Variants in GPR158 observed in about 807,000 individuals in gnomAD.
GPR158 encodes G protein-coupled receptor 158, also known as metabotropic glycine receptor.
Under a neutral mutation model 78.2 loss-of-function variants are expected in GPR158, and 30 were observed. The observed-to-expected ratio is 0.38, with a 90% CI of 0.29 to 0.52. The LOEUF is 0.52. Ranked by LOEUF, GPR158 falls within the 20% of genes least tolerant of loss-of-function variation. GPR158 has a pLI of 0.83. For missense variants in GPR158, 1,463 were observed against 1,523.5 expected (o/e 0.96, Z 0.66); for synonymous variants, 581 against 591.1 (o/e 0.98, Z 0.25).
At chr10:25,289,592 C>T (rs1854405043) in intron 2 of GPR158, among the ~76,000 whole-genome samples, 1 of 151,996 alleles carries the variant, frequency 6.6e-6, no homozygotes, top group Non-Finnish European at 1.5e-5. Flanking sequence ...ACCACCACCC[C>T]CGGCTAATTT....
chr10:25,537,178 A>G (rs1255190397), intron 5 of GPR158, among the ~76,000 whole-genome samples: 1 of 152,212 alleles, frequency 6.6e-6, no homozygotes, highest in Non-Finnish European at 1.5e-5. Context: ...GCCCTCCCTT[A>G]CTGTATAGTC....
In GPR158 at chr10:25,176,605, A is replaced by T. The variant is rs932548756; in HGVS notation, c.902+283A>T. Among the ~76,000 whole-genome samples, 1 of 152,156 alleles carries T rather than the reference A, an allele frequency of 6.6e-6. No homozygotes were observed. The highest frequency in any genetic ancestry group is 2.4e-5 in the African/African-American group (1 of 41,446). On this transcript the variant is annotated intron_variant, in intron 1 of 10. Transcript: ENST00000376351. The surrounding 1 kb of genome is among the most constrained non-coding windows in gnomAD (Gnocchi z 6.3). ...ACAGGCAGCCCTTGGCAGGACGGAGACACCCCCGCTGCTCTGTGCTTCCCT... is the reference window on the plus strand; with the variant it reads ...ACAGGCAGCCCTTGGCAGGACGGAGTCACCCCCGCTGCTCTGTGCTTCCCT...
At chr10:25,258,573 T>G (rs1853921364) in intron 2 of GPR158, among the ~76,000 whole-genome samples, 1 of 152,202 alleles carries the variant, frequency 6.6e-6, no homozygotes, top group South Asian at 2.1e-4. Context: ...GCTTTCACAT[T>G]TAAATTATGT....
intron 2 of GPR158, among the ~76,000 whole-genome samples, chr10:25,357,561 G>A (rs1855570840): frequency 6.6e-6 from 1 of 152,122 alleles, no homozygotes; most frequent in African/African-American, 2.4e-5. Context: ...GTACAGCTCA[G>A]GCTGTGGCTT....
chr10:25,312,408 G>A (rs1392058498), intron 2 of GPR158, among the ~76,000 whole-genome samples: 1 of 152,040 alleles, frequency 6.6e-6, no homozygotes, highest in African/African-American at 2.4e-5. Flanking sequence ...GTCAAGCCAT[G>A]GTAGTAGATA....
At chr10:25,291,880 TAA>T (rs1487491427) in intron 2 of GPR158, among the ~76,000 whole-genome samples, 1 of 152,158 alleles carries the variant, frequency 6.6e-6, no homozygotes, top group African/African-American at 2.4e-5. Context: ...AATTTCATTA[TAA>T]ATTCCATTAT....
At chr10:25,241,176 T>C (rs1366163669) in intron 2 of GPR158, among the ~76,000 whole-genome samples, 7 of 96,434 alleles carry the variant, frequency 7.3e-5, no homozygotes, top group South Asian at 3.2e-4. Flanking sequence ...TTTCTTTCTT[T>C]CTTTCTTTCT....
intron 2 of GPR158, among the ~76,000 whole-genome samples, chr10:25,241,294 CTTTTCTTTTCTT>C (rs1408898730): frequency 1.2e-5 from 1 of 80,262 alleles, no homozygotes; most frequent in Non-Finnish European, 2.6e-5. Context: ...CTTTTCTTTT[CTTTTCTTTTCTT>C]TTCTTTTCTC....
chr10:25,570,610 T>C (rs1259355659), intron 6 of GPR158, among the ~76,000 whole-genome samples: 2 of 152,216 alleles, frequency 1.3e-5, no homozygotes, highest in African/African-American at 4.8e-5. Flanking sequence ...AAGAGAGGTT[T>C]CATAGAAATA....
chr10:25,183,980 G>A (rs1158999228), intron 1 of GPR158, among the ~76,000 whole-genome samples: 1 of 152,052 alleles, frequency 6.6e-6, no homozygotes, highest in Non-Finnish European at 1.5e-5. Flanking sequence ...TATTCAGTCG[G>A]CATTTCTTTT....
Position 25,596,809 on chromosome 10 carries a change from T to G in GPR158, c.2145+20T>G. 6.2e-7 allele frequency: 1 copy of G among 1,604,454 alleles called. No individual in the cohort carries two copies. Among genetic ancestry groups the G allele is most frequent in the Non-Finnish European group, 8.5e-7 (1 of 1,173,222 alleles). On this transcript the variant is annotated intron_variant, in intron 10 of 10. Transcript: ENST00000376351. ...ATTCGGGTAATGCCAGTACTCTATC[T>G]TTCTTCCTATTTCAGATTAGCCTTA... is the stretch of plus-strand genomic sequence containing the variant.
chr10:25,476,918 C>T (rs564917370), intron 5 of GPR158, among the ~76,000 whole-genome samples: 22 of 152,050 alleles, frequency 1.4e-4, no homozygotes, highest in Admixed American at 3.9e-4. Context: ...TGTAAGTTCC[C>T]GAGGAGCTTG....
At chr10:25,298,790 G>A (rs1300265249) in intron 2 of GPR158, among the ~76,000 whole-genome samples, 1 of 152,092 alleles carries the variant, frequency 6.6e-6, no homozygotes, top group African/African-American at 2.4e-5. Flanking sequence ...CTAGGCAGTT[G>A]AGCTTAAAAA....
intron 2 of GPR158, among the ~76,000 whole-genome samples, chr10:25,284,883 G>A (rs1342611711): frequency 1.3e-5 from 2 of 151,580 alleles, no homozygotes; most frequent in Non-Finnish European, 2.9e-5. Context: ...ATACTTTATA[G>A]CATTTTTTTC....
At chr10:25,439,814 AG>A (rs1476689772) in intron 4 of GPR158, among the ~76,000 whole-genome samples, 2 of 152,202 alleles carry the variant, frequency 1.3e-5, no homozygotes, top group Non-Finnish European at 2.9e-5. Flanking sequence ...AATAGTGCAA[AG>A]AACAATTGTC....
At chr10:25,588,243 T>C (rs962746833) in intron 7 of GPR158, among the ~76,000 whole-genome samples, 1 of 152,234 alleles carries the variant, frequency 6.6e-6, no homozygotes, top group Non-Finnish European at 1.5e-5. Flanking sequence ...AATGAAGAAA[T>C]TGACCAGAGA....
intron 5 of GPR158, among the ~76,000 whole-genome samples, chr10:25,521,227 G>A (rs970108155): frequency 5.3e-5 from 8 of 152,162 alleles, no homozygotes; most frequent in African/African-American, 1.2e-4. Context: ...TTCGGCTCGC[G>A]CACGGTGCAC....
intron 2 of GPR158, among the ~76,000 whole-genome samples, chr10:25,311,632 G>A (rs779096663): frequency 2.0e-5 from 3 of 151,858 alleles, no homozygotes; most frequent in East Asian, 1.9e-4. Flanking sequence ...TCTAATGCTC[G>A]AATTCAGCAT....
In GPR158 at chr10:25,598,104, C is replaced by G. The variant is rs538576018; in HGVS notation, c.2478C>G (p.Asp826Glu). Residue 826 changes from aspartate (D) to glutamate (E), a missense_variant, in exon 11 of 11, where the codon GAC becomes GAG. By Grantham distance (45) the Asp-to-Glu change is conservative. Coordinates refer to ENST00000376351, the MANE Select transcript of GPR158 (RefSeq NM_020752.3). ...KSHSTYDHVR[D>E]QTEESSSLPT... Reference sequence around the variant, plus strand: ...ACAGCACTTATGACCACGTGAGAGACCAAACGGAAGAGTCCAGTAGCCTAC... The same window carrying G: ...ACAGCACTTATGACCACGTGAGAGAGCAAACGGAAGAGTCCAGTAGCCTAC... 1.1e-5 allele frequency: 18 copies of G among 1,614,004 alleles called. No homozygotes were observed. The highest frequency in any genetic ancestry group is 1.3e-5 in the Non-Finnish European group (15 of 1,179,978).
Sources: allele counts gnomAD v4.1 joint callset (sites outside exome capture counted in the v4.1 genomes callset), GRCh38; gene constraint gnomAD v4.1.1; non-coding constraint Gnocchi (gnomAD v3.1); transcripts MANE v1.5; gene names NCBI Gene and HGNC (gene_info 2026-07-23, HGNC 2026-07-21).